The following PRELID3A variants were observed in gnomAD, a reference collection of about 807,000 sequenced individuals.
PRELID3A encodes PRELI domain containing protein 3A.
Under a neutral mutation model 23.0 loss-of-function variants are expected in PRELID3A, and 27 were observed. The observed-to-expected ratio is 1.17, with a 90% CI of 0.87 to 1.62. The LOEUF is 1.62. Among genes scored for constraint, PRELID3A ranks in the 40% most tolerant of loss-of-function variants. The probability of loss-of-function intolerance (pLI) is 0.00; values close to 1 mark genes in which losing one functional copy is unlikely to be tolerated. For synonymous variants in PRELID3A, 87 were observed against 86.4 expected (o/e 1.01, Z -0.04); for missense variants, 231 against 231.4 (o/e 1.00, Z 0.01).
intron 1 of PRELID3A, among the ~76,000 whole-genome samples, chr18:12,419,100 G>A (rs1022819107): frequency 6.6e-6 from 1 of 152,100 alleles, no homozygotes; most frequent in Non-Finnish European, 1.5e-5. Context: ...GAGGCAGGCG[G>A]ATCACGAGGT....
intron 3 of PRELID3A, among the ~76,000 whole-genome samples, chr18:12,425,570 T>C (rs544857818): frequency 7.9e-4 from 119 of 150,192 alleles, no homozygotes; most frequent in African/African-American, 2.7e-3. Context: ...AGGCGGAGCT[T>C]GCAGTGAGCC....
At chr18:12,416,185 A>G (rs481029) in intron 1 of PRELID3A, among the ~76,000 whole-genome samples, 9,788 of 152,306 alleles carry the variant, frequency 0.064, 447 homozygotes, top group African/African-American at 0.12. Context: ...TGTGTCCACC[A>G]GCAGCACTTC....
At chr18:12,427,465 C>T (rs945829905) in intron 5 of PRELID3A, 142 bp downstream of exon 5, 32 of 656,310 alleles carry the variant, frequency 4.9e-5, no homozygotes, top group Middle Eastern at 7.4e-4. Context: ...GGGAGGCCAA[C>T]GCAGGTGGAC....
chr18:12,411,242 A>G (rs1375081542), intron 1 of PRELID3A, among the ~76,000 whole-genome samples: 1 of 151,908 alleles, frequency 6.6e-6, no homozygotes, highest in Non-Finnish European at 1.5e-5. Flanking sequence ...GCGTTTCACA[A>G]GGTCAGGAGA....
Position 12,411,692 on chromosome 18 carries a change from C to G in PRELID3A, c.32+3685C>G, listed in dbSNP as rs529362346. Among the ~76,000 whole-genome samples, 290 of 152,252 alleles carry G rather than the reference C, an allele frequency of 1.9e-3. 2 individuals are homozygous for G. Among genetic ancestry groups the G allele is most frequent in the South Asian group, 7.9e-3 (38 of 4,828 alleles). On this transcript the variant is annotated intron_variant, in intron 1 of 6. Transcript: ENST00000440960. ...GGGGCATGGGGAGTCATGCCTAAAG[C>G]AGGCTTGCCTTACAGCTAGGAGCAG...
At chr18:12,426,944 C>T in intron 3 of PRELID3A, 97 bp from the exon 4 acceptor site, 1 of 822,366 alleles carries the variant, frequency 1.2e-6, no homozygotes. Flanking sequence ...CTGTTCTGGC[C>T]CCACTAAGTG....
chr18:12,423,952 ACT>A (rs1238980399), intron 3 of PRELID3A, among the ~76,000 whole-genome samples: 2 of 152,072 alleles, frequency 1.3e-5, no homozygotes, highest in Admixed American at 1.3e-4. Flanking sequence ...GGCCAGCCAC[ACT>A]CTGCCCAGCT....
chr18:12,420,610 G>C, intron 2 of PRELID3A, 117 bp downstream of exon 2: 1 of 1,173,242 alleles, frequency 8.5e-7, no homozygotes, highest in Non-Finnish European at 1.1e-6. Flanking sequence ...CTGCCATCGG[G>C]GTGGGAGGGC....
In PRELID3A at chr18:12,431,648, T is replaced by G. The variant is rs778256838; in HGVS notation, c.*532T>G. On this transcript the variant is annotated 3_prime_UTR_variant, in exon 7 of 7. Transcript: ENST00000440960. ...GCTGCTGGCCTCGGTGGGCTCTGACTGCGGGGCTCACGGGGCCTGGGGCCA... is the reference window on the plus strand; with the variant it reads ...GCTGCTGGCCTCGGTGGGCTCTGACGGCGGGGCTCACGGGGCCTGGGGCCA... 68 of 153,014 alleles carry G rather than the reference T, an allele frequency of 4.4e-4. No individual in the cohort carries two copies. Among genetic ancestry groups the G allele is most frequent in the Non-Finnish European group, 8.3e-4 (57 of 68,626 alleles). 9.5% of individuals were successfully genotyped at this position (153,014 alleles called of 1,614,324 possible).
intron 3 of PRELID3A, among the ~76,000 whole-genome samples, chr18:12,422,959 C>T (rs1359481037): frequency 4.6e-5 from 7 of 152,188 alleles, no homozygotes; most frequent in Non-Finnish European, 7.3e-5. Context: ...GTACCCAGCA[C>T]AGTGCTAGGG....
At chr18:12,408,214 C>T (rs1292418557) in intron 1 of PRELID3A, among the ~76,000 whole-genome samples, 2 of 151,942 alleles carry the variant, frequency 1.3e-5, no homozygotes, top group East Asian at 3.9e-4. Context: ...CGAGGCTCTG[C>T]GCCGGGTACG....
intron 1 of PRELID3A, among the ~76,000 whole-genome samples, chr18:12,409,328 G>A (rs1335735263): frequency 6.6e-6 from 1 of 151,678 alleles, no homozygotes; most frequent in African/African-American, 2.4e-5. Context: ...CATCACGCCC[G>A]GCTAATTTTT....
intron 2 of PRELID3A, among the ~76,000 whole-genome samples, chr18:12,420,854 G>A (rs987614843): frequency 8.6e-5 from 13 of 151,498 alleles, no homozygotes; most frequent in Admixed American, 1.3e-4. Context: ...GGCTCTGCCT[G>A]GCGCGTGGCG....
At chr18:12,416,341 G>T (rs1160007252) in intron 1 of PRELID3A, among the ~76,000 whole-genome samples, 1 of 152,042 alleles carries the variant, frequency 6.6e-6, no homozygotes, top group East Asian at 1.9e-4. Context: ...ACAGGCATTT[G>T]CTCTGTCACC....
intron 1 of PRELID3A, among the ~76,000 whole-genome samples, chr18:12,409,158 G>GCTT: frequency 1.1e-5 from 1 of 88,078 alleles, no homozygotes; most frequent in African/African-American, 4.4e-5. Flanking sequence ...ACCCAGGCTG[G>GCTT]GTTTTTTTTT....
intron 1 of PRELID3A, among the ~76,000 whole-genome samples, chr18:12,415,866 C>T (rs1426687030): frequency 6.6e-6 from 1 of 152,224 alleles, no homozygotes; most frequent in South Asian, 2.1e-4. Flanking sequence ...ACCCACCACA[C>T]ACATGGTGTC....
intron 1 of PRELID3A, among the ~76,000 whole-genome samples, chr18:12,416,593 C>T (rs888295752): frequency 2.6e-5 from 4 of 151,936 alleles, no homozygotes; most frequent in Non-Finnish European, 4.4e-5. Flanking sequence ...CTGGGATTTA[C>T]AGGCATGAGC....
chr18:12,427,485 C>G (rs2030418894), intron 5 of PRELID3A, among the ~76,000 whole-genome samples, 162 bp downstream of exon 5: 1 of 151,942 alleles, frequency 6.6e-6, no homozygotes, highest in African/African-American at 2.4e-5. Context: ...CCGCTTGAGG[C>G]CAGGAATTCA....
At chr18:12,429,168 C>T (rs2030476938) in intron 5 of PRELID3A, among the ~76,000 whole-genome samples, 182 bp from the exon 6 acceptor site, 1 of 152,182 alleles carries the variant, frequency 6.6e-6, no homozygotes, top group Non-Finnish European at 1.5e-5. Flanking sequence ...CACTGTTTTC[C>T]TTCCCCCTTC....
Sources: allele counts gnomAD v4.1 joint callset (sites outside exome capture counted in the v4.1 genomes callset), GRCh38; gene constraint gnomAD v4.1.1; transcripts MANE v1.5; gene names NCBI Gene and HGNC (gene_info 2026-07-23, HGNC 2026-07-21).